Variants in LRP1B observed in about 807,000 individuals in gnomAD.
The protein encoded by LRP1B is low-density lipoprotein receptor-related protein 1B.
LRP1B carries 217 observed loss-of-function variants against 556.6 expected under a neutral mutation model. That is an observed-to-expected ratio of 0.39 (90% confidence interval 0.35 to 0.44). The LOEUF is 0.44. LRP1B is among the 20% of genes least tolerant of loss of function. The pLI is 1.00. For synonymous variants in LRP1B, 2,047 were observed against 1,865.8 expected, an observed-to-expected ratio of 1.10 and a Z score of -2.50; for missense variants, 5,053 against 5,620.8, an observed-to-expected ratio of 0.90 and a Z score of 3.23.
At chr2:141,717,889 T>A (rs1692666428) in intron 2 of LRP1B, among the ~76,000 whole-genome samples, 1 of 152,230 alleles carries the variant, frequency 6.6e-6, no homozygotes, top group Non-Finnish European at 1.5e-5. Flanking sequence ...AGAGTAATTT[T>A]AGCCACATTA....
At chr2:140,612,921 T>C (rs1307960711) in intron 41 of LRP1B, among the ~76,000 whole-genome samples, 2 of 152,070 alleles carry the variant, frequency 1.3e-5, no homozygotes, top group East Asian at 3.9e-4. Context: ...CCACTTTTGC[T>C]TGGCATTTTG....
chr2:141,712,906 C>T (rs1692419730), intron 2 of LRP1B, among the ~76,000 whole-genome samples: 1 of 143,946 alleles, frequency 6.9e-6, no homozygotes. Flanking sequence ...TCTCTAACTC[C>T]TGACCTCATG....
intron 43 of LRP1B, among the ~76,000 whole-genome samples, chr2:140,590,556 T>TTCTCTC (rs56276353): frequency 5.4e-5 from 8 of 147,336 alleles, no homozygotes; most frequent in Non-Finnish European, 7.5e-5. Flanking sequence ...CTAGATCTCT[T>TTCTCTC]TCTCTCTCTC....
chr2:140,304,345 A>G (rs1683971264), intron 83 of LRP1B, among the ~76,000 whole-genome samples: 1 of 151,954 alleles, frequency 6.6e-6, no homozygotes, highest in South Asian at 2.1e-4. Context: ...TTTAATGATC[A>G]CCATTCTAAC....
At chr2:142,112,452 AAGAT>A (rs1350754395) in intron 1 of LRP1B, among the ~76,000 whole-genome samples, 1 of 152,092 alleles carries the variant, frequency 6.6e-6, no homozygotes, top group African/African-American at 2.4e-5. Flanking sequence ...AAAGCCATAA[AAGAT>A]AGAGAAAATT....
At chr2:141,419,318 A>T (rs1418615725) in intron 3 of LRP1B, among the ~76,000 whole-genome samples, 2 of 152,060 alleles carry the variant, frequency 1.3e-5, no homozygotes, top group Admixed American at 1.3e-4. Context: ...AATGAGTTTG[A>T]AAGTTTTGCT....
chr2:140,736,603 A>C (rs1398979507), intron 35 of LRP1B, among the ~76,000 whole-genome samples: 1 of 152,152 alleles, frequency 6.6e-6, no homozygotes, highest in Non-Finnish European at 1.5e-5. Context: ...TCTTTGACAA[A>C]CCTGACAAAA....
intron 7 of LRP1B, among the ~76,000 whole-genome samples, chr2:141,184,558 T>C (rs930516250): frequency 5.3e-5 from 8 of 151,842 alleles, no homozygotes; most frequent in African/African-American, 1.9e-4. Context: ...ACCCCTTTTT[T>C]TCAATCGTGC....
At chr2:140,547,703 G>A (rs1361939200) in intron 43 of LRP1B, among the ~76,000 whole-genome samples, 8 of 151,970 alleles carry the variant, frequency 5.3e-5, no homozygotes, top group Non-Finnish European at 1.2e-4. Flanking sequence ...TGGAGGCACT[G>A]TGGCATACTT....
chr2:140,780,098 G>A (rs940688928), intron 32 of LRP1B, among the ~76,000 whole-genome samples: 3 of 151,996 alleles, frequency 2.0e-5, no homozygotes, highest in Non-Finnish European at 2.9e-5. Flanking sequence ...GTAAGGGAGG[G>A]AGGAAGGGAA....
chr2:140,921,908 C>A (rs1573881821), intron 21 of LRP1B, among the ~76,000 whole-genome samples: 1 of 101,714 alleles, frequency 9.8e-6, no homozygotes, highest in South Asian at 2.9e-4. Context: ...TTTTCTTACA[C>A]CTTTTACAAC....
At chr2:141,701,363 C>T (rs1691932580) in intron 2 of LRP1B, among the ~76,000 whole-genome samples, 1 of 151,816 alleles carries the variant, frequency 6.6e-6, no homozygotes, top group African/African-American at 2.4e-5. Context: ...CCTGGTGTGG[C>T]ATGCTTTACC....
intron 31 of LRP1B, among the ~76,000 whole-genome samples, chr2:140,820,464 C>T (rs1021049318): frequency 2.6e-5 from 4 of 152,152 alleles, no homozygotes; most frequent in Admixed American, 2.0e-4. Flanking sequence ...ACATTTCCTC[C>T]GTCCTTCCTA....
At chr2:141,481,292 A>AT (rs1682910565) in intron 2 of LRP1B, among the ~76,000 whole-genome samples, 1 of 152,128 alleles carries the variant, frequency 6.6e-6, no homozygotes, top group Admixed American at 6.6e-5. Context: ...ATTGCATGTT[A>AT]TTTTATCTGA....
chr2:140,793,551 GTAAATA>G (rs1157619971), intron 32 of LRP1B, among the ~76,000 whole-genome samples: 3 of 151,924 alleles, frequency 2.0e-5, no homozygotes, highest in Non-Finnish European at 2.9e-5. Context: ...ATATGTGGGT[GTAAATA>G]TAAATATATT....
chr2:141,055,352 A>C (rs2105456647), intron 9 of LRP1B, 93 bp from the exon 10 acceptor site: 1 of 1,402,286 alleles, frequency 7.1e-7, no homozygotes, highest in East Asian at 2.5e-5. Flanking sequence ...TAGTGTAAAA[A>C]CAGGGAATCT....
intron 37 of LRP1B, among the ~76,000 whole-genome samples, chr2:140,712,341 C>T (rs1470708574): frequency 1.3e-5 from 2 of 151,990 alleles, no homozygotes; most frequent in Non-Finnish European, 2.9e-5. Context: ...TTCCCCTTTT[C>T]GACTGACTAT....
At chr2:141,228,715 T>C (rs4954697) in intron 6 of LRP1B, among the ~76,000 whole-genome samples, 90,148 of 151,904 alleles carry the variant, frequency 0.59, 27,151 homozygotes, top group Admixed American at 0.66. Context: ...ATCACAAGTT[T>C]TTTGGAAGAG....
chr2:140,405,285 C>A (rs1464704594), intron 66 of LRP1B, among the ~76,000 whole-genome samples: 1 of 152,068 alleles, frequency 6.6e-6, no homozygotes, highest in Non-Finnish European at 1.5e-5. Context: ...AATTGACAAC[C>A]TAATGTCACA....
Sources: allele counts gnomAD v4.1 joint callset (sites outside exome capture counted in the v4.1 genomes callset), GRCh38; gene constraint gnomAD v4.1.1; transcripts MANE v1.5; gene names NCBI Gene and HGNC (gene_info 2026-07-23, HGNC 2026-07-21).